Variants in CEP112 observed in about 807,000 individuals in gnomAD.
CEP112 encodes centrosomal protein of 112 kDa.
In CEP112, 127 loss-of-function variants were observed where a neutral mutation model predicts 153.0. The ratio of observed to expected loss-of-function variants is 0.83; its 90% confidence interval spans 0.72 to 0.96. The LOEUF (loss-of-function observed/expected upper bound fraction) is 0.96, where lower values mean the gene tolerates loss of function less well. Ranked by LOEUF, CEP112 falls within the 40% of genes least tolerant of loss-of-function variation. The pLI, the probability that CEP112 is intolerant of heterozygous loss-of-function variation, is 0.00. For missense variants in CEP112, 1,089 were observed against 1,101.2 expected (o/e 0.99, Z 0.16); for synonymous variants, 358 against 374.4 (o/e 0.96, Z 0.51).
At chr17:65,659,252 G>A (rs1179335072) in intron 24 of CEP112, among the ~76,000 whole-genome samples, 2 of 152,004 alleles carry the variant, frequency 1.3e-5, no homozygotes, top group South Asian at 2.1e-4. Flanking sequence ...GTTAAATATC[G>A]TTCAAAATAT....
intron 17 of CEP112, among the ~76,000 whole-genome samples, chr17:65,989,245 AAAAAAAG>A (rs200275176): frequency 0.37 from 46,774 of 127,896 alleles, 8,584 homozygotes; most frequent in Non-Finnish European, 0.46. Flanking sequence ...AAAAAAAAAA[AAAAAAAG>A]AAAGAAAGAA....
chr17:65,751,839 C>T (rs2051871876), intron 21 of CEP112, among the ~76,000 whole-genome samples: 1 of 152,092 alleles, frequency 6.6e-6, no homozygotes, highest in Non-Finnish European at 1.5e-5. Flanking sequence ...AGTAACTTGC[C>T]CAGCATCACA....
chr17:65,852,507 C>CTCCT (rs895322142), intron 20 of CEP112, among the ~76,000 whole-genome samples: 1 of 134,246 alleles, frequency 7.4e-6, no homozygotes, highest in Admixed American at 7.7e-5. Flanking sequence ...CCCTCCCTCC[C>CTCCT]TCCTCTACTT....
At chr17:66,069,877 G>T in intron 9 of CEP112, 38 bp downstream of exon 9, 2 of 1,114,936 alleles carry the variant, frequency 1.8e-6, no homozygotes, top group Non-Finnish European at 2.7e-6. Context: ...AATATTTTTA[G>T]TGTTCAATAT....
intron 12 of CEP112, among the ~76,000 whole-genome samples, chr17:66,044,549 T>G (rs983879339): frequency 1.3e-5 from 2 of 152,152 alleles, no homozygotes; most frequent in African/African-American, 4.8e-5. Context: ...AAAAGGAATT[T>G]TGACACAAGC....
At chr17:65,756,854 C>T (rs1442673373) in intron 21 of CEP112, among the ~76,000 whole-genome samples, 1 of 152,098 alleles carries the variant, frequency 6.6e-6, no homozygotes, top group Non-Finnish European at 1.5e-5. Context: ...TTCCTAGAGA[C>T]ATGTCCTTGA....
intron 20 of CEP112, among the ~76,000 whole-genome samples, chr17:65,900,538 AT>A (rs962274633): frequency 6.6e-6 from 1 of 152,100 alleles, no homozygotes; most frequent in Non-Finnish European, 1.5e-5. Flanking sequence ...TTCCCTCTAA[AT>A]TTGGCCTCCA....
intron 6 of CEP112, among the ~76,000 whole-genome samples, chr17:66,127,263 T>C (rs1230517990): frequency 6.6e-6 from 1 of 152,158 alleles, no homozygotes; most frequent in African/African-American, 2.4e-5. Flanking sequence ...AAGTAATGTA[T>C]ATCATGTTTC....
At chr17:66,170,290 T>C (rs1361329353) in intron 4 of CEP112, among the ~76,000 whole-genome samples, 1 of 152,114 alleles carries the variant, frequency 6.6e-6, no homozygotes, top group Non-Finnish European at 1.5e-5. Flanking sequence ...CAGACCTCCA[T>C]GGTAAGTATC....
chr17:66,093,272 A>G (rs1017705781), intron 8 of CEP112, among the ~76,000 whole-genome samples: 21 of 152,090 alleles, frequency 1.4e-4, no homozygotes, highest in Admixed American at 2.0e-4. Context: ...AACCCGTGAG[A>G]CGTAGGCTGC....
chr17:65,672,102 C>A (rs1370202787), intron 24 of CEP112, among the ~76,000 whole-genome samples: 1 of 152,036 alleles, frequency 6.6e-6, no homozygotes, highest in Admixed American at 6.6e-5. Flanking sequence ...TCTGGTGAGA[C>A]AACTGTAATA....
rs536931643 is a variant in CEP112, at chr17:66,170,520, T to G, written c.470+4524A>C. Among the ~76,000 whole-genome samples the G allele has an allele frequency of 5.3e-5, 8 of 152,044 alleles. No homozygotes were observed. The East Asian group carries it at 1.6e-3, about 30-fold the overall frequency. ...TGGCTCATGCCTGTAATCCCAGCAC[T>G]TTGAGAGGCCAAGGTGGGCATATCA... On this transcript the variant is annotated intron_variant, in intron 4 of 26. Transcript: ENST00000535342.
intron 21 of CEP112, among the ~76,000 whole-genome samples, chr17:65,820,313 C>T (rs1309559215): frequency 2.0e-5 from 3 of 152,016 alleles, no homozygotes; most frequent in Admixed American, 6.6e-5. Context: ...CTCAGATCTC[C>T]CAGCATTGTA....
chr17:65,664,102 C>T (rs1186123148), intron 24 of CEP112, among the ~76,000 whole-genome samples: 2 of 152,134 alleles, frequency 1.3e-5, no homozygotes, highest in Non-Finnish European at 2.9e-5. Context: ...TACAGGGAAA[C>T]TCAGTATAAC....
At chr17:65,647,749 C>T (rs2045523089) in intron 24 of CEP112, among the ~76,000 whole-genome samples, 1 of 151,808 alleles carries the variant, frequency 6.6e-6, no homozygotes, top group Non-Finnish European at 1.5e-5. Flanking sequence ...TCCCAAAGTG[C>T]TAAGATGATA....
At chr17:65,900,308 A>G (rs549153633) in intron 20 of CEP112, among the ~76,000 whole-genome samples, 3 of 152,306 alleles carry the variant, frequency 2.0e-5, no homozygotes, top group African/African-American at 7.2e-5. Context: ...ACGTTCCAAG[A>G]AAGACACGAA....
intron 18 of CEP112, among the ~76,000 whole-genome samples, chr17:65,930,928 T>A (rs945299224): frequency 2.6e-5 from 4 of 152,184 alleles, no homozygotes; most frequent in African/African-American, 9.7e-5. Flanking sequence ...TGTTCTTTAA[T>A]CCCACTAACT....
chr17:66,063,746 A>G (rs145083372), intron 10 of CEP112, among the ~76,000 whole-genome samples: 14 of 152,286 alleles, frequency 9.2e-5, no homozygotes, highest in Admixed American at 9.2e-4. Flanking sequence ...CATCTAAAAG[A>G]TAAGTATAGG....
chr17:65,745,015 T>A (rs2051361524), intron 22 of CEP112, among the ~76,000 whole-genome samples: 1 of 152,204 alleles, frequency 6.6e-6, no homozygotes, highest in Non-Finnish European at 1.5e-5. Flanking sequence ...AAAACAAGAT[T>A]ACAGCATTAT....
Sources: allele counts gnomAD v4.1 joint callset (sites outside exome capture counted in the v4.1 genomes callset), GRCh38; gene constraint gnomAD v4.1.1; transcripts MANE v1.5; gene names NCBI Gene and HGNC (gene_info 2026-07-23, HGNC 2026-07-21).